Variants in ADAMTSL1 observed in about 807,000 individuals in gnomAD.
ADAMTSL1 encodes the protein ADAMTS like 1, also known as ADAMTS-like protein 1.
ADAMTSL1 carries 126 observed loss-of-function variants against 201.8 expected under a neutral mutation model. That is an observed-to-expected ratio of 0.62 (90% CI 0.54 to 0.72). The LOEUF (loss-of-function observed/expected upper bound fraction) is 0.72, where lower values mean the gene tolerates loss of function less well. Ranked by LOEUF, ADAMTSL1 falls within the 30% of genes least tolerant of loss-of-function variation. The pLI is 0.00. For missense variants in ADAMTSL1, 2,679 were observed against 2,277.8 expected (o/e 1.18, Z -3.59); for synonymous variants, 1,121 against 903.4 (o/e 1.24, Z -4.32).
intron 2 of ADAMTSL1, among the ~76,000 whole-genome samples, chr9:18,221,721 G>A (rs1446106178): frequency 6.6e-6 from 1 of 151,682 alleles, no homozygotes; most frequent in Non-Finnish European, 1.5e-5. Context: ...TTATCTTTTT[G>A]TTATTGGCCT....
intron 1 of ADAMTSL1, among the ~76,000 whole-genome samples, chr9:17,965,232 AC>A: frequency 6.6e-6 from 1 of 152,286 alleles, no homozygotes; most frequent in South Asian, 2.1e-4. Context: ...TTTCCTATGA[AC>A]ATTTAAAGGG....
intron 15 of ADAMTSL1, among the ~76,000 whole-genome samples, chr9:18,750,540 T>C (rs1819413858): frequency 6.6e-6 from 1 of 152,232 alleles, no homozygotes; most frequent in South Asian, 2.1e-4. Context: ...ATTTGGGTTT[T>C]TCCAGGTTTG....
At chr9:18,582,199 C>T (rs969178965) in intron 4 of ADAMTSL1, among the ~76,000 whole-genome samples, 1 of 152,164 alleles carries the variant, frequency 6.6e-6, no homozygotes, top group South Asian at 2.1e-4. Flanking sequence ...TACCAGAGCA[C>T]ACTACCTAAA....
In ADAMTSL1 at chr9:18,495,065, G is replaced by A. The variant is rs981171876; in HGVS notation, c.64-9764G>A. On this transcript the variant is annotated intron_variant, in intron 1 of 28. Coordinates refer to ENST00000380548, the MANE Select transcript of ADAMTSL1 (RefSeq NM_001040272.6). ...TAAGTCAGTGAAAGTAAGATTGGAC[G>A]GGGTGAGAATGGAAGAGAGAGGGAT... 6.6e-5 allele frequency among the ~76,000 whole-genome samples: 10 copies of A among 152,228 alleles called. No homozygotes were observed. The South Asian group carries it at 8.3e-4, about 13-fold the overall frequency.
At chr9:18,429,545 G>A (rs78929352) in intron 2 of ADAMTSL1, among the ~76,000 whole-genome samples, 3,752 of 151,950 alleles carry the variant, frequency 0.025, 141 homozygotes, top group African/African-American at 0.079. Context: ...AATTAAAGTC[G>A]AATACCCAGA....
intron 2 of ADAMTSL1, among the ~76,000 whole-genome samples, chr9:18,314,550 G>C (rs561041627): frequency 2.7e-4 from 41 of 150,292 alleles, no homozygotes; most frequent in Non-Finnish European, 3.7e-4. Context: ...CCTCCCGTCC[G>C]CAGTTGTTCC....
At chr9:18,180,671 G>A (rs1375287905) in intron 2 of ADAMTSL1, among the ~76,000 whole-genome samples, 2 of 152,098 alleles carry the variant, frequency 1.3e-5, no homozygotes, top group Admixed American at 1.3e-4. Context: ...CCATGCTCAT[G>A]GGTAGGAAGA....
chr9:18,083,660 G>C (rs1272849195), intron 1 of ADAMTSL1, among the ~76,000 whole-genome samples: 1 of 152,154 alleles, frequency 6.6e-6, no homozygotes, highest in African/African-American at 2.4e-5. Context: ...TGCAACTGGG[G>C]CTCTTTATGA....
intron 1 of ADAMTSL1, among the ~76,000 whole-genome samples, chr9:18,502,372 T>G (rs1266606091): frequency 6.6e-6 from 1 of 152,248 alleles, no homozygotes; most frequent in Non-Finnish European, 1.5e-5. Flanking sequence ...AGGAAAATAC[T>G]GCACCTCTCT....
intron 2 of ADAMTSL1, among the ~76,000 whole-genome samples, chr9:18,295,337 G>A (rs573098798): frequency 1.5e-4 from 23 of 150,500 alleles, no homozygotes; most frequent in East Asian, 1.4e-3. Flanking sequence ...GACTGCAACC[G>A]TTATTCATTT....
At chr9:17,930,012 A>C (rs1273929781) in intron 1 of ADAMTSL1, among the ~76,000 whole-genome samples, 1 of 152,214 alleles carries the variant, frequency 6.6e-6, no homozygotes, top group Non-Finnish European at 1.5e-5. Flanking sequence ...GCAGTGAATA[A>C]AACTGTCTTG....
chr9:18,292,179 G>T (rs994875667), intron 2 of ADAMTSL1, among the ~76,000 whole-genome samples: 1 of 152,056 alleles, frequency 6.6e-6, no homozygotes, highest in Non-Finnish European at 1.5e-5. Context: ...CTGGATCTGC[G>T]TGATCAGTCT....
intron 16 of ADAMTSL1, among the ~76,000 whole-genome samples, chr9:18,762,118 C>A (rs1588061527): frequency 6.6e-6 from 1 of 152,170 alleles, no homozygotes; most frequent in Non-Finnish European, 1.5e-5. Context: ...ATGCTCTTTG[C>A]CAGATACTCT....
chr9:18,645,326 C>T (rs1270135897), intron 7 of ADAMTSL1, among the ~76,000 whole-genome samples: 7 of 152,108 alleles, frequency 4.6e-5, no homozygotes, highest in South Asian at 4.2e-4. Context: ...AATTTTCTCC[C>T]GTTTTGTAGG....
chr9:18,506,895 A>G (rs1817696955), intron 2 of ADAMTSL1, among the ~76,000 whole-genome samples: 2 of 152,282 alleles, frequency 1.3e-5, no homozygotes, highest in South Asian at 4.1e-4. Flanking sequence ...GCATTTCCAA[A>G]TCCAACAAGA....
At chr9:18,165,611 A>G (rs1250351217) in intron 2 of ADAMTSL1, among the ~76,000 whole-genome samples, 1 of 151,880 alleles carries the variant, frequency 6.6e-6, no homozygotes, top group Non-Finnish European at 1.5e-5. Context: ...TGTTTTACCT[A>G]AAAGAGAAAT....
intron 23 of ADAMTSL1, among the ~76,000 whole-genome samples, chr9:18,853,065 G>C (rs2131377686): frequency 6.6e-6 from 1 of 152,298 alleles, no homozygotes; most frequent in South Asian, 2.1e-4. Flanking sequence ...CTGGAGGTTG[G>C]GGAGATGCTG....
intron 1 of ADAMTSL1, among the ~76,000 whole-genome samples, chr9:18,488,264 C>T (rs1822097396): frequency 6.6e-6 from 1 of 152,116 alleles, no homozygotes; most frequent in African/African-American, 2.4e-5. Flanking sequence ...AGATCAAAAC[C>T]CTCTGCCCAG....
chr9:18,008,530 G>C (rs190512867), intron 1 of ADAMTSL1, among the ~76,000 whole-genome samples: 7 of 151,966 alleles, frequency 4.6e-5, no homozygotes, highest in African/African-American at 1.7e-4. Context: ...CAAATATTAG[G>C]GGTTTAACAC....
Sources: gnomAD v4.1 joint callset for allele counts (sites outside exome capture counted in the v4.1 genomes callset) on GRCh38, gnomAD v4.1.1 for gene constraint, MANE v1.5 for transcripts, NCBI Gene and HGNC (gene_info 2026-07-23, HGNC 2026-07-21) for gene names.